Variants in AGMO observed in about 807,000 individuals in gnomAD.
AGMO encodes glyceryl-ether monooxygenase.
AGMO carries 75 observed loss-of-function variants against 60.2 expected under a neutral mutation model. The observed-to-expected ratio is 1.25, with a 90% CI of 1.03 to 1.51. AGMO has a LOEUF of 1.51. Ranked by LOEUF, AGMO falls within the 40% of genes most tolerant of loss-of-function variation. AGMO has a pLI of 0.00. For missense variants in AGMO, 763 were observed against 525.5 expected (o/e 1.45, Z -4.42); for synonymous variants, 261 against 177.1 (o/e 1.47, Z -3.76).
intron 3 of AGMO, among the ~76,000 whole-genome samples, chr7:15,435,153 C>T (rs1483091677): frequency 6.6e-6 from 1 of 151,960 alleles, no homozygotes; most frequent in African/African-American, 2.4e-5. Context: ...CAGTTTTTGA[C>T]AGATAAAAGT....
intron 12 of AGMO, among the ~76,000 whole-genome samples, chr7:15,350,349 T>C (rs1215744588): frequency 6.6e-6 from 1 of 152,130 alleles, no homozygotes; most frequent in Non-Finnish European, 1.5e-5. Flanking sequence ...AAAGCATAAA[T>C]TGTATAAAAA....
the AGMO span, among the ~76,000 whole-genome samples, chr7:15,121,251 T>G: frequency 6.6e-6 from 1 of 152,204 alleles, no homozygotes; most frequent in South Asian, 2.1e-4. Flanking sequence ...TTCCAAGTCT[T>G]TGCTATTGTA....
intron 12 of AGMO, among the ~76,000 whole-genome samples, chr7:15,342,914 C>G (rs1269785081): frequency 6.6e-6 from 1 of 150,822 alleles, no homozygotes; most frequent in African/African-American, 2.4e-5. Context: ...ATAATAGGTA[C>G]TAAAAGGCTT....
intron 10 of AGMO, among the ~76,000 whole-genome samples, chr7:15,380,240 A>G (rs10275327): frequency 0.4 from 60,513 of 151,662 alleles, 12,859 homozygotes; most frequent in African/African-American, 0.55. Context: ...TGCAGACGAC[A>G]TGATCCTCTA....
In AGMO at chr7:15,246,948, G is replaced by A. The variant is rs1583324695; in HGVS notation, c.1264-45589C>T. ...CAGCCCCCAAGTAGCTGGGATTACA[G>A]GCATGCACCACCATGCCTGGCTAAT... On this transcript the variant is annotated intron_variant, in intron 12 of 12. Transcript: ENST00000342526. Among the ~76,000 whole-genome samples, 4 of 151,094 alleles carry A rather than the reference G, an allele frequency of 2.6e-5. No individual in the cohort carries two copies. The East Asian group carries it at 7.7e-4, about 29-fold the overall frequency.
intron 12 of AGMO, among the ~76,000 whole-genome samples, chr7:15,300,348 C>G (rs1330478705): frequency 6.6e-6 from 1 of 152,142 alleles, no homozygotes; most frequent in East Asian, 1.9e-4. Context: ...GATGGTTTGG[C>G]AGCTTAACCA....
At chr7:15,283,443 C>T (rs1049329597) in intron 12 of AGMO, among the ~76,000 whole-genome samples, 4 of 151,680 alleles carry the variant, frequency 2.6e-5, no homozygotes, top group African/African-American at 4.8e-5. Flanking sequence ...GTTCTTATAT[C>T]TGATCAAAAA....
At chr7:15,350,779 T>C (rs1015951472) in intron 12 of AGMO, among the ~76,000 whole-genome samples, 1 of 152,160 alleles carries the variant, frequency 6.6e-6, no homozygotes. Context: ...AGAATATTGT[T>C]AAAGGCTGTG....
chr7:15,298,626 C>A (rs887767896), intron 12 of AGMO, among the ~76,000 whole-genome samples: 10 of 151,938 alleles, frequency 6.6e-5, no homozygotes, highest in African/African-American at 1.9e-4. Flanking sequence ...AGTCTTGAAC[C>A]CCTGGGCTTC....
the AGMO span, among the ~76,000 whole-genome samples, chr7:15,182,211 G>A: frequency 6.6e-6 from 1 of 152,118 alleles, no homozygotes; most frequent in African/African-American, 2.4e-5. Context: ...GAGGGAAGTG[G>A]GGAGTTAGTG....
intron 3 of AGMO, among the ~76,000 whole-genome samples, chr7:15,528,004 T>C (rs1329308349): frequency 2.0e-5 from 3 of 152,148 alleles, no homozygotes; most frequent in African/African-American, 4.8e-5. Context: ...CTGATGAAGA[T>C]GTACAAGGAA....
intron 2 of AGMO, among the ~76,000 whole-genome samples, chr7:15,559,411 G>C (rs1785240437): frequency 6.6e-6 from 1 of 151,986 alleles, no homozygotes. Context: ...CATAAGGTTG[G>C]AAAACAGATA....
At chr7:15,344,053 G>A (rs796329701) in intron 12 of AGMO, among the ~76,000 whole-genome samples, 3 of 152,204 alleles carry the variant, frequency 2.0e-5, no homozygotes, top group African/African-American at 4.8e-5. Context: ...TGTCAGACAT[G>A]GGGATTGATA....
chr7:15,243,068 T>C (rs1782639025), intron 12 of AGMO, among the ~76,000 whole-genome samples: 1 of 152,024 alleles, frequency 6.6e-6, no homozygotes, highest in African/African-American at 2.4e-5. Flanking sequence ...GTGTTAATAA[T>C]TGTATATGTG....
chr7:15,417,724 A>G (rs1172936006), intron 5 of AGMO, among the ~76,000 whole-genome samples: 3 of 152,206 alleles, frequency 2.0e-5, no homozygotes, highest in Admixed American at 6.5e-5. Flanking sequence ...AAAATACTGC[A>G]GGTTAATGGA....
chr7:15,331,220 AAGG>A (rs1781490549), intron 12 of AGMO, among the ~76,000 whole-genome samples: 1 of 152,196 alleles, frequency 6.6e-6, no homozygotes, highest in Admixed American at 6.5e-5. Context: ...ATGAAACTGC[AAGG>A]AGGATATGAA....
intron 12 of AGMO, among the ~76,000 whole-genome samples, chr7:15,250,338 T>C (rs1782893126): frequency 6.6e-6 from 1 of 152,132 alleles, no homozygotes; most frequent in Non-Finnish European, 1.5e-5. Context: ...GAAAATCAGA[T>C]TCATATACAT....
chr7:15,452,262 G>T (rs1004300031), intron 3 of AGMO, among the ~76,000 whole-genome samples: 4 of 151,860 alleles, frequency 2.6e-5, no homozygotes. Flanking sequence ...TAAAATTTTT[G>T]TATATTAAAT....
intron 12 of AGMO, chr7:15,306,653 T>C (rs1225520555): frequency 2.8e-6 from 1 of 358,664 alleles, no homozygotes; most frequent in Non-Finnish European, 5.5e-6. Context: ...CTATTAAGGA[T>C]TGTTAATGCT....
Sources: allele counts gnomAD v4.1 joint callset (sites outside exome capture counted in the v4.1 genomes callset), GRCh38; gene constraint gnomAD v4.1.1; transcripts MANE v1.5; gene names NCBI Gene and HGNC (gene_info 2026-07-23, HGNC 2026-07-21).